The following ATXN10 variants were observed in gnomAD, a reference collection of about 807,000 sequenced individuals.
ATXN10 encodes ataxin 10.
In ATXN10, 28 loss-of-function variants were observed where a neutral mutation model predicts 52.9. That is an observed-to-expected ratio of 0.53 (90% CI 0.39 to 0.73). The LOEUF is 0.73. ATXN10 is among the 30% of genes least tolerant of loss of function. ATXN10 has a pLI of 0.00. For missense variants in ATXN10, 565 were observed against 577.0 expected (o/e 0.98, Z 0.21); for synonymous variants, 226 against 221.5 (o/e 1.02, Z -0.18).
rs1206438944 is a variant in ATXN10 at position 45,840,246 on chromosome 22, G to A, written c.1238-2745G>A. Among the ~76,000 whole-genome samples, 3 of 152,146 alleles carry A rather than the reference G, an allele frequency of 2.0e-5. No individual in the cohort carries two copies. Among genetic ancestry groups the A allele is most frequent in the East Asian group, 1.9e-4 (1 of 5,192 alleles). On this transcript the variant is annotated intron_variant, in intron 10 of 11. Coordinates refer to ENST00000252934, the MANE Select transcript of ATXN10 (RefSeq NM_013236.4). This position sits in a 1 kb window ranked among gnomAD's most constrained non-coding sequence, Gnocchi z 5.8. ...GAACGAGACTCGGTGCTAGGATATC[G>A]AAGTCAATTAGATGGGGCTCCTGCC...
At chr22:45,738,512 A>C in intron 7 of ATXN10, 1 of 520,442 alleles carries the variant, frequency 1.9e-6, no homozygotes, top group Non-Finnish European at 3.4e-6. Context: ...ATAATCTTGC[A>C]TTCTTGATGG....
At chr22:45,796,964 C>T (rs1463178029) in intron 9 of ATXN10, among the ~76,000 whole-genome samples, 1 of 152,054 alleles carries the variant, frequency 6.6e-6, no homozygotes, top group African/African-American at 2.4e-5. Context: ...GACCTAAGGA[C>T]AAAGAATTTC....
Position 45,696,378 on chromosome 22 carries a change from C to T in ATXN10, c.391+3300C>T, listed in dbSNP as rs912184241. ...GATCCTGATGGGGCGGGCAGTGTGG[C>T]GCTCCAGAGCTGCTGTGCTGTGGTG... On this transcript the variant is annotated intron_variant, in intron 3 of 11. Coordinates refer to ENST00000252934, the MANE Select transcript of ATXN10 (RefSeq NM_013236.4). This position sits in a 1 kb window ranked among gnomAD's most constrained non-coding sequence, Gnocchi z 4.7. Among the ~76,000 whole-genome samples, 5 of 152,160 alleles carry T rather than the reference C, an allele frequency of 3.3e-5. No individual in the cohort carries two copies. The highest frequency in any genetic ancestry group is 5.9e-5 in the Non-Finnish European group (4 of 68,028).
At chr22:45,699,818 A>G (rs1399890788) in intron 3 of ATXN10, among the ~76,000 whole-genome samples, 1 of 149,936 alleles carries the variant, frequency 6.7e-6, no homozygotes, top group Non-Finnish European at 1.5e-5. Flanking sequence ...TTTTGTATGT[A>G]GAGTATATTG....
intron 9 of ATXN10, among the ~76,000 whole-genome samples, chr22:45,768,325 A>G (rs1027144632): frequency 3.3e-5 from 5 of 152,148 alleles, no homozygotes; most frequent in African/African-American, 1.2e-4. Flanking sequence ...CAGCTATGTC[A>G]CAAGGACACA....
At chr22:45,779,824 A>G (rs1927083577) in intron 9 of ATXN10, among the ~76,000 whole-genome samples, 1 of 152,218 alleles carries the variant, frequency 6.6e-6, no homozygotes, top group African/African-American at 2.4e-5. Context: ...AGTACAAAGA[A>G]AAAGAATCAT....
At chr22:45,700,123 A>G (rs1923783812) in intron 3 of ATXN10, among the ~76,000 whole-genome samples, 159 bp from the exon 4 acceptor site, 1 of 152,220 alleles carries the variant, frequency 6.6e-6, no homozygotes, top group South Asian at 2.1e-4. Flanking sequence ...TGGCATATTC[A>G]TGTTATTCCC....
intron 9 of ATXN10, chr22:45,792,744 C>G (rs970862292): frequency 2.2e-6 from 1 of 457,010 alleles, no homozygotes. Context: ...TATAAACAAG[C>G]CAAGGTTTTT....
chr22:45,809,158 G>A (rs191597092), intron 10 of ATXN10, among the ~76,000 whole-genome samples: 5 of 152,208 alleles, frequency 3.3e-5, no homozygotes, highest in Admixed American at 2.6e-4. Context: ...TTAAAATCTG[G>A]CCTTCGTAGT....
chr22:45,787,194 C>T lies in ATXN10; in HGVS notation c.1174-19765C>T, dbSNP rs1601645360. ...TTTAATATATGTGCATTGAAAAACA[C>T]AGAGAATTTTCATGGATAGGATCTG... is the stretch of plus-strand genomic sequence containing the variant. On this transcript the variant is annotated intron_variant, in intron 9 of 11. Transcript: ENST00000252934. This position sits in a 1 kb window ranked among gnomAD's most constrained non-coding sequence, Gnocchi z 4.2. Among the ~76,000 whole-genome samples, 2 of 152,242 alleles carry T rather than the reference C, an allele frequency of 1.3e-5. No homozygotes were observed. Among genetic ancestry groups the T allele is most frequent in the East Asian group, 3.9e-4 (2 of 5,188 alleles).
Position 45,843,231 on chromosome 22 carries a change from C to T in ATXN10, c.1425+53C>T, listed in dbSNP as rs1929406955. ...CCCTTTGGTTTGTAGAAAGCTGTTTCCACTTCCCCATTGCTTCAAGCACGA... is the reference window on the plus strand; with the variant it reads ...CCCTTTGGTTTGTAGAAAGCTGTTTTCACTTCCCCATTGCTTCAAGCACGA... On this transcript the variant is annotated intron_variant, in intron 11 of 11. Transcript: ENST00000252934. The surrounding 1 kb of genome is among the most constrained non-coding windows in gnomAD (Gnocchi z 4.5). The T allele has an allele frequency of 1.3e-6, 2 of 1,573,900 alleles. No individual in the cohort carries two copies. Among genetic ancestry groups the T allele is most frequent in the Non-Finnish European group, 8.7e-7 (1 of 1,144,670 alleles).
intron 9 of ATXN10, among the ~76,000 whole-genome samples, chr22:45,778,334 C>G (rs770911979): frequency 6.6e-6 from 1 of 152,198 alleles, no homozygotes. Context: ...TCAGGAAATA[C>G]AGCAGTGAAC....
rs1925643167 is a variant in ATXN10, at chr22:45,744,168, T to C, written c.1173+3630T>C. On this transcript the variant is annotated intron_variant, in intron 9 of 11. Coordinates refer to ENST00000252934, the MANE Select transcript of ATXN10 (RefSeq NM_013236.4). This position sits in a 1 kb window ranked among gnomAD's most constrained non-coding sequence, Gnocchi z 4.9. ...AAGGTATTAATATCTTCTGTGGAGC[T>C]TCCATTCTGGCATCATCTGGGGACC... Among the ~76,000 whole-genome samples the C allele has an allele frequency of 6.6e-6, 1 of 152,192 alleles. No individual in the cohort carries two copies. The highest frequency in any genetic ancestry group is 1.5e-5 in the Non-Finnish European group (1 of 68,028).
Position 45,688,393 on chromosome 22 carries a change from T to G in ATXN10, c.117-1319T>G, listed in dbSNP as rs1923230440. Among the ~76,000 whole-genome samples, 1 of 152,100 alleles carries G rather than the reference T, an allele frequency of 6.6e-6. No individual in the cohort carries two copies. Among genetic ancestry groups the G allele is most frequent in the Non-Finnish European group, 1.5e-5 (1 of 68,018 alleles). On this transcript the variant is annotated intron_variant, in intron 1 of 11. Coordinates refer to ENST00000252934, the MANE Select transcript of ATXN10 (RefSeq NM_013236.4). The surrounding 1 kb of genome is among the most constrained non-coding windows in gnomAD (Gnocchi z 4.0). The stretch of plus-strand genomic sequence containing the variant: ...AGATAAGGGGGGAAATTAGGGGTAG[T>G]GGAAAAGCCAGATAGAAAAAGTAAG...
At position 45,693,025 on chromosome 22, in the gene ATXN10, A is replaced by G. The variant is rs148464355; in HGVS notation, c.338A>G (p.Asp113Gly). Residue 113 changes from aspartate to glycine, a missense_variant, in exon 3 of 12, where the codon GAT (aspartate) becomes GGT (glycine). Transcript: ENST00000252934. The stretch of plus-strand genomic sequence containing the variant: ...TTGGATACGATTGGTGTTGCTGTTG[A>G]TTTGATTCTTCTGTTTCGTGAACTG... Reference protein sequence around the residue: ...RNLDTIGVAVDLILLFRELRV... With the variant: ...RNLDTIGVAVGLILLFRELRV... 30 of 1,613,974 alleles carry G rather than the reference A, an allele frequency of 1.9e-5. No individual in the cohort carries two copies. Among genetic ancestry groups the G allele is most frequent in the Non-Finnish European group, 2.4e-5 (28 of 1,180,010 alleles).
At chr22:45,827,633 G>A (rs576094161) in intron 10 of ATXN10, among the ~76,000 whole-genome samples, 41 of 152,232 alleles carry the variant, frequency 2.7e-4, no homozygotes, top group African/African-American at 9.1e-4. Flanking sequence ...CCGATAACAG[G>A]CCAAAATATA....
At chr22:45,832,418 A>G (rs1397950299) in intron 10 of ATXN10, among the ~76,000 whole-genome samples, 1 of 152,010 alleles carries the variant, frequency 6.6e-6, no homozygotes, top group East Asian at 1.9e-4. Context: ...TCATCCTTTG[A>G]GTTTCAGCTC....
chr22:45,696,612 C>G lies in ATXN10; in HGVS notation c.391+3534C>G, dbSNP rs1188838214. 6.6e-6 allele frequency among the ~76,000 whole-genome samples: 1 copy of G among 152,168 alleles called. No homozygotes were observed. The highest frequency in any genetic ancestry group is 1.5e-5 in the Non-Finnish European group (1 of 68,026). On this transcript the variant is annotated intron_variant, in intron 3 of 11. Coordinates refer to ENST00000252934, the MANE Select transcript of ATXN10 (RefSeq NM_013236.4). This position sits in a 1 kb window ranked among gnomAD's most constrained non-coding sequence, Gnocchi z 4.7. ...AGCCTCTGTTTTTTTCCTCTTTACTCCATCATTTTCATCAGCAAGTAATAT... is the reference window on the plus strand; with the variant it reads ...AGCCTCTGTTTTTTTCCTCTTTACTGCATCATTTTCATCAGCAAGTAATAT...
In ATXN10 at chr22:45,843,194, G is replaced by T; in HGVS notation, c.1425+16G>T. On this transcript the variant is annotated intron_variant, in intron 11 of 11. Coordinates refer to ENST00000252934, the MANE Select transcript of ATXN10 (RefSeq NM_013236.4). The surrounding 1 kb of genome is among the most constrained non-coding windows in gnomAD (Gnocchi z 4.5). ...CCCTAAGCCAGTAAGTACCCTCGAG[G>T]GAACTGTCCTTCCCTTTGGTTTGTA... 4 of 1,613,416 alleles carry T rather than the reference G, an allele frequency of 2.5e-6. No homozygotes were observed. The highest frequency in any genetic ancestry group is 3.4e-6 in the Non-Finnish European group (4 of 1,179,480).
Sources: gnomAD v4.1 joint callset for allele counts (sites outside exome capture counted in the v4.1 genomes callset) on GRCh38, gnomAD v4.1.1 for gene constraint, Gnocchi (gnomAD v3.1) non-coding constraint, MANE v1.5 for transcripts, NCBI Gene and HGNC (gene_info 2026-07-23, HGNC 2026-07-21) for gene names.